Variants in RAB3GAP1 observed in about 807,000 individuals in gnomAD.
RAB3GAP1 encodes the protein RAB3 GTPase activating protein catalytic subunit 1.
RAB3GAP1 carries 86 observed loss-of-function variants against 130.7 expected under a neutral mutation model. The observed-to-expected ratio is 0.66, with a 90% CI of 0.55 to 0.79. The LOEUF (loss-of-function observed/expected upper bound fraction) is 0.79, where lower values mean the gene tolerates loss of function less well. Among genes scored for constraint, RAB3GAP1 ranks in the 30% least tolerant of loss-of-function variants. The pLI is 0.00. For missense variants in RAB3GAP1, 1,029 were observed against 1,169.4 expected (o/e 0.88, Z 1.75); for synonymous variants, 367 against 401.7 (o/e 0.91, Z 1.03).
chr2:135,132,910 G>A lies in RAB3GAP1; in HGVS notation c.1252G>A (p.Ala418Thr). ...NTILLFLFPDAVSEKPLDGTT... is the reference protein window; with the variant it reads ...NTILLFLFPDTVSEKPLDGTT... ...TTCCTTCAAGTTCTTATTCCCTGAT[G>A]CTGTTTCTGAGAAACCATTAGATGG... Residue 418 changes from alanine to threonine, a missense_variant, in exon 14 of 24, where the codon GCT becomes ACT. Coordinates refer to ENST00000264158, the MANE Select transcript of RAB3GAP1 (RefSeq NM_012233.3). 1 of 1,565,936 alleles carries A rather than the reference G, an allele frequency of 6.4e-7. No individual in the cohort carries two copies. Among genetic ancestry groups the A allele is most frequent in the Non-Finnish European group, 8.8e-7 (1 of 1,136,702 alleles).
In RAB3GAP1 at chr2:135,168,743, C is replaced by T. The variant is rs1380618506; in HGVS notation, c.2908C>T (p.Leu970Phe). The change falls in exon 24 of 24, where the codon CTT becomes TTT. Residue 970 changes from leucine to phenylalanine, a missense_variant. Leu to Phe is a conservative substitution (Grantham distance 22, BLOSUM62 0). Transcript: ENST00000264158. ...TGTTCTCACCAAAGAGGACTTTAGA[C>T]TTGCAGGTGCCTTTTCATCAGATAC... The part of the protein sequence containing the change: ...YSVLTKEDFR[L>F]AGAFSSDTSF... 2 of 1,614,182 alleles carry T rather than the reference C, an allele frequency of 1.2e-6. No individual in the cohort carries two copies. The highest frequency in any genetic ancestry group is 1.1e-5 in the South Asian group (1 of 91,080).
intron 5 of RAB3GAP1, among the ~76,000 whole-genome samples, chr2:135,096,404 T>C (rs1229217910): frequency 1.3e-5 from 2 of 152,194 alleles, no homozygotes; most frequent in African/African-American, 2.4e-5. Flanking sequence ...TATTTGCAAA[T>C]GCAGGTAAAC....
intron 17 of RAB3GAP1, among the ~76,000 whole-genome samples, chr2:135,138,081 C>T (rs1691726804): frequency 6.6e-6 from 1 of 151,928 alleles, no homozygotes; most frequent in African/African-American, 2.4e-5. Flanking sequence ...CCTGCCTCAG[C>T]CTCCCAAAGT....
chr2:135,103,611 C>G (rs886357926), intron 5 of RAB3GAP1, among the ~76,000 whole-genome samples: 1 of 152,162 alleles, frequency 6.6e-6, no homozygotes, highest in Non-Finnish European at 1.5e-5. Context: ...GTAGCTGTTT[C>G]TGTCACCTCC....
chr2:135,092,399 A>G (rs1161974521), intron 4 of RAB3GAP1, among the ~76,000 whole-genome samples: 4 of 152,184 alleles, frequency 2.6e-5, no homozygotes, highest in African/African-American at 9.7e-5. Context: ...AGATAAATAG[A>G]TAAAGGAGAC....
intron 5 of RAB3GAP1, among the ~76,000 whole-genome samples, chr2:135,101,316 C>G (rs984900082): frequency 6.6e-6 from 1 of 152,112 alleles, no homozygotes; most frequent in Non-Finnish European, 1.5e-5. Flanking sequence ...TTCACCTAAA[C>G]ATTTATTTAA....
chr2:135,134,786 C>G (rs1691635682), intron 15 of RAB3GAP1, among the ~76,000 whole-genome samples: 1 of 152,174 alleles, frequency 6.6e-6, no homozygotes, highest in African/African-American at 2.4e-5. Context: ...TGGCTGATTG[C>G]TGGGAACCTA....
chr2:135,085,614 G>C (rs1205023629), intron 3 of RAB3GAP1, among the ~76,000 whole-genome samples: 1 of 152,100 alleles, frequency 6.6e-6, no homozygotes, highest in East Asian at 1.9e-4. Flanking sequence ...AGGATGGTTG[G>C]TGCCAAATTA....
In RAB3GAP1 at chr2:135,082,330, G is replaced by C. The variant is rs1380977168; in HGVS notation, c.151-8668G>C. On this transcript the variant is annotated intron_variant, in intron 3 of 23. Transcript: ENST00000264158. Reference sequence around the variant, plus strand: ...ACCTAAAGAAACTCGATACTTGTTAGAAGTCACTTACCATTTTCCCCTAAC... The same window carrying C: ...ACCTAAAGAAACTCGATACTTGTTACAAGTCACTTACCATTTTCCCCTAAC... Among the ~76,000 whole-genome samples the C allele has an allele frequency of 2.6e-5, 4 of 151,852 alleles. 1 individual carries two copies. The highest frequency in any genetic ancestry group is 6.3e-3 in the Middle Eastern group (2 of 316).
intron 7 of RAB3GAP1, among the ~76,000 whole-genome samples, chr2:135,116,350 G>A (rs1304677482): frequency 6.6e-6 from 1 of 151,962 alleles, no homozygotes; most frequent in Non-Finnish European, 1.5e-5. Context: ...CTGCCAAAAT[G>A]TTTAACATAC....
At chr2:135,163,178 A>AT in intron 22 of RAB3GAP1, 77 bp downstream of exon 22, 1 of 917,796 alleles carries the variant, frequency 1.1e-6, no homozygotes, top group East Asian at 2.4e-5. Flanking sequence ...TTGTAATAGG[A>AT]TATTAAGACT....
At chr2:135,129,607 T>G (rs1046864958) in intron 11 of RAB3GAP1, among the ~76,000 whole-genome samples, 5 of 152,288 alleles carry the variant, frequency 3.3e-5, no homozygotes, top group African/African-American at 1.2e-4. Flanking sequence ...TATTAATGGA[T>G]TTAGATTCTA....
At chr2:135,065,709 G>C (rs959634107) in intron 3 of RAB3GAP1, among the ~76,000 whole-genome samples, 1 of 151,224 alleles carries the variant, frequency 6.6e-6, no homozygotes, top group East Asian at 1.9e-4. Context: ...AAACTTAAAC[G>C]TCACGCTTTC....
rs562791638 is a variant in RAB3GAP1 at position 135,057,335 on chromosome 2, A to G, written c.75-676A>G. Reference sequence around the variant, plus strand: ...TAAATCGGAATTCCTAATATATTTAAAGGAAAAGTTTATTTAAATAGGTCA... The same window carrying G: ...TAAATCGGAATTCCTAATATATTTAGAGGAAAAGTTTATTTAAATAGGTCA... On this transcript the variant is annotated intron_variant, in intron 2 of 23. Coordinates refer to ENST00000264158, the MANE Select transcript of RAB3GAP1 (RefSeq NM_012233.3). 9.0e-4 allele frequency among the ~76,000 whole-genome samples: 137 copies of G among 152,262 alleles called. 1 individual carries two copies. The highest frequency in any genetic ancestry group is 3.0e-3 in the African/African-American group (123 of 41,550).
intron 6 of RAB3GAP1, among the ~76,000 whole-genome samples, chr2:135,113,942 G>C (rs1000656743): frequency 2.6e-5 from 4 of 151,942 alleles, no homozygotes; most frequent in Non-Finnish European, 4.4e-5. Context: ...TAGAGATGGG[G>C]TTTCACTATG....
chr2:135,096,630 A>G (rs1401526775), intron 5 of RAB3GAP1, among the ~76,000 whole-genome samples: 1 of 152,186 alleles, frequency 6.6e-6, no homozygotes, highest in East Asian at 1.9e-4. Context: ...TGTATGCATT[A>G]ATTCATTCAA....
At chr2:135,125,530 G>C (rs1313200132) in intron 9 of RAB3GAP1, among the ~76,000 whole-genome samples, 1 of 152,120 alleles carries the variant, frequency 6.6e-6, no homozygotes, top group Non-Finnish European at 1.5e-5. Context: ...ACATAGAACA[G>C]CTATAACAAT....
intron 3 of RAB3GAP1, among the ~76,000 whole-genome samples, chr2:135,090,106 A>G (rs1483672239): frequency 1.3e-5 from 2 of 152,142 alleles, no homozygotes; most frequent in African/African-American, 4.8e-5. Flanking sequence ...ATGATTTTGG[A>G]TGTGTATCAT....
chr2:135,159,901 C>T (rs759213882), intron 19 of RAB3GAP1, among the ~76,000 whole-genome samples: 5 of 152,258 alleles, frequency 3.3e-5, no homozygotes, highest in Non-Finnish European at 7.4e-5. Context: ...CTGCATGTTG[C>T]GTCGTTCCAT....
Sources: allele counts gnomAD v4.1 joint callset (sites outside exome capture counted in the v4.1 genomes callset), GRCh38; gene constraint gnomAD v4.1.1; transcripts MANE v1.5; gene names NCBI Gene and HGNC (gene_info 2026-07-23, HGNC 2026-07-21).